Variants in MADD observed in about 807,000 individuals in gnomAD.
MADD encodes the protein MAP kinase-activating death domain protein.
MADD carries 109 observed loss-of-function variants against 176.7 expected under a neutral mutation model. The ratio of observed to expected loss-of-function variants is 0.62; its 90% CI spans 0.53 to 0.72. The LOEUF (loss-of-function observed/expected upper bound fraction) is 0.72. MADD is among the 30% of genes least tolerant of loss of function. MADD has a pLI of 0.00. For synonymous variants in MADD, 771 were observed against 771.3 expected (o/e 1.00, Z 0.01); for missense variants, 1,914 against 2,045.5 (o/e 0.94, Z 1.24).
chr11:47,283,664 C>T (rs1007100349), intron 10 of MADD, among the ~76,000 whole-genome samples: 1 of 152,210 alleles, frequency 6.6e-6, no homozygotes, highest in African/African-American at 2.4e-5. Flanking sequence ...CTCCGCCTCT[C>T]GGGTTCAAGC....
In MADD at chr11:47,288,907, G is replaced by A. The variant is rs559810696; in HGVS notation, c.2654-484G>A. The stretch of plus-strand genomic sequence containing the variant: ...CAGATTATCTGGCTTACTGCTCCTC[G>A]GAGGGGTAGAGGGGTTGCGGTATTG... On this transcript the variant is annotated intron_variant, in intron 15 of 32. Coordinates refer to ENST00000402192, the Ensembl canonical transcript of MADD. 880 of 1,198,874 alleles carry A rather than the reference G, an allele frequency of 7.3e-4. 14 individuals carry two copies. In the South Asian group the frequency reaches 9.1e-3, roughly 12 times the overall value. The allele number at this position is 1,198,874 out of a possible 1,614,324, so 74.3% of individuals were successfully genotyped here.
chr11:47,316,826 C>G lies in MADD; in HGVS notation c.4197+1499C>G, dbSNP rs188061814. Among the ~76,000 whole-genome samples the G allele has an allele frequency of 6.6e-5, 10 of 152,192 alleles. No individual in the cohort carries two copies. In the East Asian group the frequency reaches 1.9e-3, roughly 29 times the overall value. On this transcript the variant is annotated intron_variant, in intron 27 of 32. Coordinates refer to ENST00000402192, the Ensembl canonical transcript of MADD. ...TGGTCCAAACTCAGCTCACTGCAACCTCTGCCCCTTGGGTTCAAGTGATTC... is the reference window on the plus strand; with the variant it reads ...TGGTCCAAACTCAGCTCACTGCAACGTCTGCCCCTTGGGTTCAAGTGATTC...
upstream of MADD, chr11:47,269,460 C>A (rs1958237595): frequency 6.6e-6 from 1 of 152,354 alleles, no homozygotes; most frequent in Non-Finnish European, 1.5e-5. Context: ...GAAAAAGGCA[C>A]AACCTGAAAG....
intron 22 of MADD, among the ~76,000 whole-genome samples, chr11:47,302,027 A>G (rs2078156582): frequency 6.6e-6 from 1 of 152,188 alleles, no homozygotes; most frequent in South Asian, 2.1e-4. Flanking sequence ...TTTTCTGTCT[A>G]GATGATCTGT....
intron 25 of MADD, among the ~76,000 whole-genome samples, chr11:47,310,789 C>T (rs1170684544): frequency 6.6e-6 from 1 of 151,680 alleles, no homozygotes; most frequent in African/African-American, 2.4e-5. Context: ...TGCCTCTAAT[C>T]CCAGCTACTT....
intron 26 of MADD, among the ~76,000 whole-genome samples, chr11:47,312,813 AGATT>A (rs767779262): frequency 2.6e-5 from 4 of 152,228 alleles, no homozygotes; most frequent in South Asian, 2.1e-4. Context: ...TACTCTTATT[AGATT>A]GATTAATTAT....
intron 27 of MADD, among the ~76,000 whole-genome samples, chr11:47,319,241 C>T (rs941600737): frequency 2.0e-5 from 3 of 151,216 alleles, no homozygotes; most frequent in Non-Finnish European, 2.9e-5. Context: ...AAGAGATTCT[C>T]CTACCTCAGA....
rs2094137231 is a variant in MADD at position 47,320,050 on chromosome 11, ATGAT to A, written c.4198-3620_4198-3617del. 2.0e-5 allele frequency among the ~76,000 whole-genome samples: 3 copies of A among 150,616 alleles called. No individual in the cohort carries two copies. In the South Asian group the frequency reaches 6.3e-4, roughly 32 times the overall value. ...TTAAATAATTTGCTTTTTTCACTTA[ATGAT>A]ATACCTTTCCGTGTCTTTTTTTTTT... On this transcript the variant is annotated intron_variant, in intron 27 of 32. Coordinates refer to ENST00000402192, the Ensembl canonical transcript of MADD.
At chr11:47,282,548 A>T (rs1165353994) in exon 9 of MADD, 2 of 1,614,192 alleles carry the variant, frequency 1.2e-6, no homozygotes, top group Non-Finnish European at 1.7e-6. Flanking sequence ...GCCAGGACTC[A>T]GGCTGTGGAG....
At chr11:47,295,519 C>T (rs200080587) in exon 21 of MADD, 16 of 1,614,054 alleles carry the variant, frequency 9.9e-6, no homozygotes, top group East Asian at 2.2e-5. Flanking sequence ...ACTCTGTCAT[C>T]GGCGTGAGTC....
At chr11:47,281,905 G>T in intron 8 of MADD, 152 bp downstream of exon 8, 1 of 483,454 alleles carries the variant, frequency 2.1e-6, no homozygotes, top group Non-Finnish European at 3.3e-6. Flanking sequence ...CATAATCTCA[G>T]CTCACTGCAA....
intron 20 of MADD, among the ~76,000 whole-genome samples, chr11:47,294,374 A>C (rs1392776345): frequency 6.6e-6 from 1 of 150,414 alleles, no homozygotes; most frequent in African/African-American, 2.4e-5. Context: ...TAAAAATAAA[A>C]ATAAAATAGC....
intron 22 of MADD, among the ~76,000 whole-genome samples, chr11:47,298,377 C>T (rs1445733214): frequency 6.6e-6 from 1 of 152,228 alleles, no homozygotes; most frequent in Non-Finnish European, 1.5e-5. Flanking sequence ...CCATCAGTTT[C>T]TCATAAATGG....
At chr11:47,285,065 G>C (rs1287390345) in exon 13 of MADD, 1 of 1,614,024 alleles carries the variant, frequency 6.2e-7, no homozygotes, top group Non-Finnish European at 8.5e-7. Context: ...ATTGGAGAGG[G>C]GTCAGTGCGC....
At chr11:47,324,135 G>A (rs1248016463) in intron 28 of MADD, 130 bp from the exon 32 acceptor site, 23 of 772,452 alleles carry the variant, frequency 3.0e-5, no homozygotes, top group Admixed American at 1.6e-4. Context: ...TAAGACATCC[G>A]AAAAATAGGA....
At chr11:47,322,359 G>A (rs577753374) in intron 27 of MADD, among the ~76,000 whole-genome samples, 300 of 152,260 alleles carry the variant, frequency 2.0e-3, no homozygotes, top group Non-Finnish European at 3.3e-3. Flanking sequence ...TGTAATCCCA[G>A]CACTTTGGGA....
intron 26 of MADD, 134 bp downstream of exon 29, chr11:47,311,976 T>G (rs2089671919): frequency 1.6e-6 from 1 of 609,000 alleles, no homozygotes; most frequent in African/African-American, 1.8e-5. Flanking sequence ...AGTCCCTGTG[T>G]TCTGTGATGG....
intron 30 of MADD, among the ~76,000 whole-genome samples, chr11:47,326,176 G>C (rs1445506374): frequency 6.6e-6 from 1 of 152,222 alleles, no homozygotes; most frequent in East Asian, 1.9e-4. Context: ...AGTAGGTGCA[G>C]AGATTAGAAA....
At chr11:47,318,014 C>A (rs919082748) in intron 27 of MADD, among the ~76,000 whole-genome samples, 1 of 152,136 alleles carries the variant, frequency 6.6e-6, no homozygotes, top group Non-Finnish European at 1.5e-5. Flanking sequence ...AAGTGATCCA[C>A]CCACCTCGGC....
Sources: allele counts gnomAD v4.1 joint callset (sites outside exome capture counted in the v4.1 genomes callset), GRCh38; gene constraint gnomAD v4.1.1; transcripts MANE v1.5; gene names NCBI Gene and HGNC (gene_info 2026-07-23, HGNC 2026-07-21).